The following TRIM66 variants were observed in gnomAD, a reference collection of about 807,000 sequenced individuals.
The protein encoded by TRIM66 is tripartite motif-containing protein 66.
In TRIM66, 99 loss-of-function variants were observed where a neutral mutation model predicts 148.2. The observed-to-expected ratio is 0.67, with a 90% CI of 0.57 to 0.79. TRIM66 has a LOEUF of 0.79. Among genes scored for constraint, TRIM66 ranks in the 30% least tolerant of loss-of-function variants. The probability of loss-of-function intolerance (pLI) is 0.00; values close to 1 mark genes in which losing one functional copy is unlikely to be tolerated. For synonymous variants in TRIM66, 616 were observed against 635.9 expected, an observed-to-expected ratio of 0.97 and a Z score of 0.47; for missense variants, 1,666 against 1,697.9, an observed-to-expected ratio of 0.98 and a Z score of 0.33.
chr11:8,648,388 C>A (rs1247482323), intron 9 of TRIM66, 28 bp downstream of exon 9: 1 of 1,549,644 alleles, frequency 6.5e-7, no homozygotes, highest in Non-Finnish European at 8.7e-7. Context: ...CCCTCCCCAG[C>A]CCATTTCAGG....
intron 3 of TRIM66, chr11:8,678,071 T>C (rs1490860521): frequency 2.0e-5 from 3 of 152,208 alleles, no homozygotes; most frequent in Non-Finnish European, 2.9e-5. Context: ...GGTGAATAAA[T>C]TGGTACGATC....
At chr11:8,650,468 G>A (rs2037259376) in intron 7 of TRIM66, among the ~76,000 whole-genome samples, 3 of 142,736 alleles carry the variant, frequency 2.1e-5, no homozygotes, top group Non-Finnish European at 3.1e-5. Flanking sequence ...GGAAAAGGAG[G>A]AAGGGAAGGA....
rs1162018007 is a variant in TRIM66, at chr11:8,642,395, G to A, written c.1222+614C>T. Among the ~76,000 whole-genome samples the A allele has an allele frequency of 2.6e-5, 4 of 152,270 alleles. No individual in the cohort carries two copies. In the East Asian group the frequency reaches 5.8e-4, roughly 22 times the overall value. On this transcript the variant is annotated intron_variant, in intron 13 of 24. Coordinates refer to ENST00000646038, the MANE Select transcript of TRIM66 (RefSeq NM_001388022.1). Reference sequence around the variant, plus strand: ...AATAAGATTAACAGCCTCAAATGAAGGCAGCAGCTGGCCATCAGTTTAACA... The same window carrying A: ...AATAAGATTAACAGCCTCAAATGAAAGCAGCAGCTGGCCATCAGTTTAACA...
chr11:8,630,599 G>A (rs1414825901), intron 15 of TRIM66, among the ~76,000 whole-genome samples: 2 of 152,132 alleles, frequency 1.3e-5, no homozygotes, highest in Non-Finnish European at 1.5e-5. Context: ...TTGGGAGATG[G>A]AGAGAGACAA....
chr11:8,640,989 G>C lies in TRIM66; in HGVS notation c.1386C>G (p.Ser462=), dbSNP rs1056573944. The C allele has an allele frequency of 1.3e-6, 2 of 1,551,378 alleles. No homozygotes were observed. Among genetic ancestry groups the C allele is most frequent in the African/African-American group, 2.7e-5 (2 of 73,034 alleles). ...AGCAGTGGGAGCAGCACACAGATGA[G>C]GAGCACACTGCTGGAGACTGGAACT... ...SHKFQSPAVC[S]SSVCCSHCSP... is the part of the protein sequence containing the mutation. Residue 462 remains serine (S), a synonymous_variant, in exon 14 of 25, where the codon TCC becomes TCG. Coordinates refer to ENST00000646038, the MANE Select transcript of TRIM66 (RefSeq NM_001388022.1).
chr11:8,680,217 T>G (rs1182420454), intron 1 of TRIM66, among the ~76,000 whole-genome samples, 154 bp from the exon 2 acceptor site: 1 of 152,100 alleles, frequency 6.6e-6, no homozygotes, highest in East Asian at 1.9e-4. Flanking sequence ...AGTAGAAAGC[T>G]TGTGTAAGGG....
In TRIM66 at chr11:8,640,102, G is replaced by A. The variant is rs189584180; in HGVS notation, c.2148+125C>T. On this transcript the variant is annotated intron_variant, in intron 14 of 24. Transcript: ENST00000646038. Reference sequence around the variant, plus strand: ...AGCATAGTTTTGAAATGTGAGGGCTGAGCTCAAGGCAGCCCTAAGGTGCAG... The same window carrying A: ...AGCATAGTTTTGAAATGTGAGGGCTAAGCTCAAGGCAGCCCTAAGGTGCAG... The A allele has an allele frequency of 1.6e-5, 15 of 965,584 alleles. No homozygotes were observed. In the East Asian group the frequency reaches 2.9e-4, roughly 19 times the overall value. 59.8% of individuals were successfully genotyped at this position (965,584 alleles called of 1,614,324 possible). A position where few individuals can be genotyped will look rare whatever the true frequency, so the allele number is the denominator to read the frequency against.
chr11:8,620,054 G>A lies in TRIM66; in HGVS notation c.3743C>T (p.Pro1248Leu). Reference protein sequence around the residue: ...LSLPFHEPVSPLARHYYQIIK... With the variant: ...LSLPFHEPVSLLARHYYQIIK... ...GAACAGCGTGGCCTTCCTTACCAGG[G>A]GGCTGACAGGTTCATGGAAGGGCAG... The change falls in exon 22 of 25, where the codon CCC becomes CTC. Residue 1248 changes from proline to leucine, a missense_variant. Physicochemically the swap from Pro to Leu is moderately conservative, Grantham distance 98. This residue lies in a region of TRIM66 where 204 missense variants were observed against 231.0 expected (regional missense o/e 0.88). Coordinates refer to ENST00000646038, the MANE Select transcript of TRIM66 (RefSeq NM_001388022.1). 1 of 1,551,712 alleles carries A rather than the reference G, an allele frequency of 6.4e-7. No homozygotes were observed. The highest frequency in any genetic ancestry group is 8.7e-7 in the Non-Finnish European group (1 of 1,146,960).
intron 10 of TRIM66, among the ~76,000 whole-genome samples, chr11:8,647,659 C>A (rs1277456031): frequency 2.6e-5 from 4 of 152,180 alleles, no homozygotes; most frequent in Non-Finnish European, 5.9e-5. Context: ...GCACTCTCTT[C>A]CCTAGTGTCT....
chr11:8,678,715 T>C (rs1434851665), intron 3 of TRIM66, among the ~76,000 whole-genome samples: 4 of 152,186 alleles, frequency 2.6e-5, no homozygotes, highest in Non-Finnish European at 5.9e-5. Flanking sequence ...CGAACATATT[T>C]CCAAATGTCC....
chr11:8,666,341 G>GAAAAAAAAAAA (rs558326812), intron 6 of TRIM66, among the ~76,000 whole-genome samples: 4 of 23,540 alleles, frequency 1.7e-4, no homozygotes, highest in Admixed American at 5.0e-4. Flanking sequence ...CTCCGCCTCA[G>GAAAAAAAAAAA]AAAAAAAAAA....
At chr11:8,644,135 A>T (rs1372243174) in intron 12 of TRIM66, among the ~76,000 whole-genome samples, 1 of 152,080 alleles carries the variant, frequency 6.6e-6, no homozygotes, top group African/African-American at 2.4e-5. Flanking sequence ...CAACCTCTCC[A>T]AGCCCTGCTC....
chr11:8,642,920 T>C (rs1037114282), intron 13 of TRIM66, 89 bp downstream of exon 13: 105 of 671,336 alleles, frequency 1.6e-4, no homozygotes, highest in Non-Finnish European at 2.2e-4. Context: ...GTGCTTTCTC[T>C]TGGGCATATG....
chr11:8,622,166 C>A (rs1056318288), intron 18 of TRIM66, among the ~76,000 whole-genome samples: 2 of 151,340 alleles, frequency 1.3e-5, no homozygotes, highest in Admixed American at 6.6e-5. Flanking sequence ...CCTTGAACAT[C>A]GGACTCCAAG....
At chr11:8,625,701 C>G (rs1051890203) in intron 15 of TRIM66, among the ~76,000 whole-genome samples, 1 of 152,180 alleles carries the variant, frequency 6.6e-6, no homozygotes, top group Non-Finnish European at 1.5e-5. Context: ...TCAAGGGGTG[C>G]TATAGAATAG....
chr11:8,680,290 G>C (rs982989302), intron 1 of TRIM66, among the ~76,000 whole-genome samples: 4 of 152,200 alleles, frequency 2.6e-5, no homozygotes, highest in Non-Finnish European at 4.4e-5. Context: ...AGGAGCTACC[G>C]AACTTTTTGA....
chr11:8,620,645 A>G, intron 20 of TRIM66, 73 bp from the exon 21 acceptor site: 2 of 1,507,044 alleles, frequency 1.3e-6, no homozygotes, highest in East Asian at 2.5e-5. Flanking sequence ...CCTCTGCCCT[A>G]TGGCAGGCGT....
intron 10 of TRIM66, 117 bp from the exon 11 acceptor site, chr11:8,646,678 G>T: frequency 1.4e-6 from 1 of 713,562 alleles, no homozygotes; most frequent in Non-Finnish European, 2.4e-6. Flanking sequence ...GGGCCTAGCA[G>T]ACACCAAATA....
At chr11:8,625,959 C>T (rs2034807067) in intron 15 of TRIM66, among the ~76,000 whole-genome samples, 1 of 152,174 alleles carries the variant, frequency 6.6e-6, no homozygotes, top group African/African-American at 2.4e-5. Flanking sequence ...TATTCCAAAC[C>T]AGAGGCAGAG....
Sources: gnomAD v4.1 joint callset for allele counts (sites outside exome capture counted in the v4.1 genomes callset) on GRCh38, gnomAD v4.1.1 for gene constraint, gnomAD v4.1.1 regional missense constraint, MANE v1.5 for transcripts, NCBI Gene and HGNC (gene_info 2026-07-23, HGNC 2026-07-21) for gene names.